EDEM3: variants seen among roughly 807,000 people sequenced by gnomAD.
EDEM3 encodes ER degradation enhancing alpha-mannosidase like protein 3, also known as ER degradation-enhancing alpha-mannosidase-like protein 3.
EDEM3 carries 60 observed loss-of-function variants against 110.2 expected under a neutral mutation model. The observed-to-expected ratio is 0.54, with a 90% CI of 0.44 to 0.67. EDEM3 has a LOEUF of 0.67. Ranked by LOEUF, EDEM3 falls within the 30% of genes least tolerant of loss-of-function variation. The probability of loss-of-function intolerance (pLI) is 0.00; values close to 1 mark genes in which losing one functional copy is unlikely to be tolerated. For synonymous variants in EDEM3, 352 were observed against 382.9 expected (o/e 0.92, Z 0.94); for missense variants, 996 against 1,121.0 (o/e 0.89, Z 1.59).
At chr1:184,750,511 A>ACTTTTT (rs1553276304) in intron 1 of EDEM3, among the ~76,000 whole-genome samples, 5 of 110,138 alleles carry the variant, frequency 4.5e-5, no homozygotes, top group African/African-American at 1.8e-4. Context: ...TTTTTTATTA[A>ACTTTTT]CTTTTTCTTT....
chr1:184,749,914 T>C (rs566988979), intron 1 of EDEM3, among the ~76,000 whole-genome samples: 38 of 152,284 alleles, frequency 2.5e-4, no homozygotes, highest in African/African-American at 7.9e-4. Flanking sequence ...AGAAAAACAA[T>C]GACCTCTTAA....
chr1:184,698,404 T>C (rs192610561), intron 19 of EDEM3, among the ~76,000 whole-genome samples: 217 of 151,942 alleles, frequency 1.4e-3, no homozygotes, highest in Admixed American at 0.013. Flanking sequence ...CATGGTTAAA[T>C]AAATTATGGT....
chr1:184,717,414 A>G, intron 12 of EDEM3, 126 bp downstream of exon 12: 1 of 678,516 alleles, frequency 1.5e-6, no homozygotes, highest in South Asian at 2.0e-5. Flanking sequence ...AATAAGAATC[A>G]TGATATATCC....
Position 184,712,599 on chromosome 1 carries a change from C to A in EDEM3, c.1371-1G>T. Reference sequence around the variant, plus strand: ...TTCAGCCAAGAAGAAAGAATCCATTCTAAAATAAAAAGTCACAAATAAATA... The same window carrying A: ...TTCAGCCAAGAAGAAAGAATCCATTATAAAATAAAAAGTCACAAATAAATA... On this transcript the variant is annotated splice_acceptor_variant, in intron 13 of 19. Coordinates refer to ENST00000318130, the MANE Select transcript of EDEM3 (RefSeq NM_025191.4). LOFTEE classifies it high-confidence loss of function. The A allele has an allele frequency of 6.6e-7, 1 of 1,514,146 alleles. No individual in the cohort carries two copies. Among genetic ancestry groups the A allele is most frequent in the Non-Finnish European group, 8.9e-7 (1 of 1,120,658 alleles). 93.8% of individuals were successfully genotyped at this position (1,514,146 alleles called of 1,614,324 possible). A position where few individuals can be genotyped will look rare whatever the true frequency, so the allele number is the denominator to read the frequency against.
intron 11 of EDEM3, among the ~76,000 whole-genome samples, chr1:184,718,477 A>G (rs377312962): frequency 2.0e-5 from 3 of 152,186 alleles, no homozygotes; most frequent in African/African-American, 7.2e-5. Context: ...CAAAACAAAC[A>G]CTTTAGGAAC....
At chr1:184,723,658 T>C in intron 8 of EDEM3, 93 bp downstream of exon 8, 1 of 1,014,610 alleles carries the variant, frequency 9.9e-7, no homozygotes, top group Non-Finnish European at 1.5e-6. Context: ...TGCTTTATAG[T>C]ATCCCAAAGA....
At position 184,691,904 on chromosome 1, in the gene EDEM3, T is replaced by G. The variant is rs986367878; in HGVS notation, c.*2159A>C. 12 of 152,242 alleles carry G rather than the reference T, an allele frequency of 7.9e-5. No homozygotes were observed. The highest frequency in any genetic ancestry group is 2.9e-4 in the African/African-American group (12 of 41,572). 9.4% of individuals were successfully genotyped at this position (152,242 alleles called of 1,614,324 possible). A position where few individuals can be genotyped will look rare whatever the true frequency, so the allele number is the denominator to read the frequency against. On this transcript the variant is annotated 3_prime_UTR_variant, in exon 20 of 20. Transcript: ENST00000318130. ...CTAAGCGTCAATGAAAGGCAACACC[T>G]CCCTCTAATGGCCAAAGGAAGAGAG...
chr1:184,741,015 T>C (rs1219884452), intron 2 of EDEM3, among the ~76,000 whole-genome samples: 1 of 152,208 alleles, frequency 6.6e-6, no homozygotes, highest in Non-Finnish European at 1.5e-5. Context: ...ATAGAAAAGA[T>C]GCCTCCTCTG....
rs1649209593 is a variant in EDEM3, at chr1:184,694,192, T to C, written c.2670A>G (p.Gln890=). 6.2e-7 allele frequency: 1 copy of C among 1,613,386 alleles called. No homozygotes were observed. The highest frequency in any genetic ancestry group is 1.3e-5 in the African/African-American group (1 of 74,898). The change falls in exon 20 of 20, where the codon CAA becomes CAG. Residue 890 remains glutamine (Q), a synonymous_variant. Transcript: ENST00000318130. ...GATTGGAATCTTCCTCAGTTTCTGATTGTTCTTGAAGCTGGTTATCTAAAT... is the reference window on the plus strand; with the variant it reads ...GATTGGAATCTTCCTCAGTTTCTGACTGTTCTTGAAGCTGGTTATCTAAAT... ...CTDLDNQLQE[Q]SETEEDSNPN... is the part of the protein sequence containing the mutation.
At chr1:184,710,350 AAGC>A in intron 16 of EDEM3, 41 bp downstream of exon 16, 1 of 1,591,126 alleles carries the variant, frequency 6.3e-7, no homozygotes, top group Non-Finnish European at 8.6e-7. Context: ...CGACCAAAGA[AAGC>A]AGGGCAGAGA....
intron 2 of EDEM3, 99 bp from the exon 3 acceptor site, chr1:184,737,810 T>G (rs914540140): frequency 1.0e-6 from 1 of 998,412 alleles, no homozygotes; most frequent in Non-Finnish European, 1.5e-6. Context: ...AAAATAATAG[T>G]CAAAAGTTGT....
In EDEM3 at chr1:184,717,581, A is replaced by G; in HGVS notation, c.1204T>C (p.Leu402=). Residue 402 remains leucine, a synonymous_variant, in exon 12 of 20, where the codon TTA becomes CTA. Transcript: ENST00000318130. ...DFRVHWAQHP[L]RPEFAESTYF... ...GTACTTTCTGCAAATTCTGGCCTTA[A>G]AGGATGTTGAGCCCAGTGTACTCTG... 1.2e-6 allele frequency: 2 copies of G among 1,607,376 alleles called. No individual in the cohort carries two copies. The highest frequency in any genetic ancestry group is 1.7e-6 in the Non-Finnish European group (2 of 1,177,392).
intron 11 of EDEM3, among the ~76,000 whole-genome samples, chr1:184,718,640 A>G (rs1650688560): frequency 6.6e-6 from 1 of 152,154 alleles, no homozygotes; most frequent in African/African-American, 2.4e-5. Flanking sequence ...TTAAGCTAGC[A>G]AGAATATTTA....
chr1:184,751,124 A>G (rs1469173070), intron 1 of EDEM3, among the ~76,000 whole-genome samples: 2 of 77,028 alleles, frequency 2.6e-5, no homozygotes, highest in African/African-American at 5.7e-5. Context: ...CCTTACCACC[A>G]CTTTGCTAAA....
At chr1:184,714,649 G>T (rs1006620658) in intron 13 of EDEM3, among the ~76,000 whole-genome samples, 1 of 151,958 alleles carries the variant, frequency 6.6e-6, no homozygotes, top group African/African-American at 2.4e-5. Flanking sequence ...TAACAGTTTG[G>T]ATGAAAAAAA....
chr1:184,721,554 T>C (rs1650902689), intron 8 of EDEM3, among the ~76,000 whole-genome samples, 168 bp from the exon 9 acceptor site: 1 of 152,074 alleles, frequency 6.6e-6, no homozygotes, highest in African/African-American at 2.4e-5. Context: ...ATAAATAATT[T>C]GCTAACTAGT....
Position 184,692,153 on chromosome 1 carries a change from T to A in EDEM3, c.*1910A>T, listed in dbSNP as rs1402848567. ...TTTCTCCAAGCCCCAGTCCTATAAA[T>A]CAAGGCAAGTCAAGTAATTAAGCTT... On this transcript the variant is annotated 3_prime_UTR_variant, in exon 20 of 20. Coordinates refer to ENST00000318130, the MANE Select transcript of EDEM3 (RefSeq NM_025191.4). The A allele has an allele frequency of 6.6e-6, 1 of 152,118 alleles. No individual in the cohort carries two copies. Among genetic ancestry groups the A allele is most frequent in the Non-Finnish European group, 1.5e-5 (1 of 67,992 alleles). 9.4% of individuals were successfully genotyped at this position (152,118 alleles called of 1,614,324 possible).
Position 184,733,001 on chromosome 1 carries a change from A to G in EDEM3, c.459-11T>C. 1.9e-6 allele frequency: 3 copies of G among 1,612,598 alleles called. No homozygotes were observed. Among genetic ancestry groups the G allele is most frequent in the Non-Finnish European group, 2.5e-6 (3 of 1,179,208 alleles). On this transcript the variant is annotated splice_polypyrimidine_tract_variant and intron_variant, in intron 5 of 19. Coordinates refer to ENST00000318130, the MANE Select transcript of EDEM3 (RefSeq NM_025191.4). ...CCACCCAAAAGACCCCTAGGATCAC[A>G]GAGATGAAACATTATCCATATCTTA...
intron 1 of EDEM3, 103 bp downstream of exon 1, chr1:184,754,386 A>G (rs575898890): frequency 6.5e-7 from 1 of 1,537,812 alleles, no homozygotes; most frequent in South Asian, 1.2e-5. Context: ...AGCCGTTCCA[A>G]TCGCGACAGG....
Sources: allele counts gnomAD v4.1 joint callset (sites outside exome capture counted in the v4.1 genomes callset), GRCh38; gene constraint gnomAD v4.1.1; transcripts MANE v1.5; gene names NCBI Gene and HGNC (gene_info 2026-07-23, HGNC 2026-07-21).